Variants in CSMD1 observed in about 807,000 individuals in gnomAD.
CSMD1 encodes CUB and Sushi multiple domains 1, also known as CUB and sushi domain-containing protein 1.
A neutral mutation model predicts 417.5 loss-of-function variants in CSMD1; 213 were observed. That is an observed-to-expected ratio of 0.51 (90% CI 0.46 to 0.57). The LOEUF is 0.57. Ranked by LOEUF, CSMD1 falls within the 20% of genes least tolerant of loss-of-function variation. The pLI is 0.00. For missense variants in CSMD1, 6,923 were observed against 4,529.7 expected, an observed-to-expected ratio of 1.53 and a Z score of -15.17; for synonymous variants, 2,862 against 1,736.8, an observed-to-expected ratio of 1.65 and a Z score of -16.11.
At position 3,091,539 on chromosome 8, in the gene CSMD1, T is replaced by A. The variant is rs1814948001; in HGVS notation, c.7262A>T (p.Lys2421Ile). 1 of 1,606,250 alleles carries A rather than the reference T, an allele frequency of 6.2e-7. No individual in the cohort carries two copies. Among genetic ancestry groups the A allele is most frequent in the Non-Finnish European group, 8.5e-7 (1 of 1,178,316 alleles). ...ACCTGCATAGCGAATCTTGAATCCTTTCTTACTGGTGGCATGGTCAGTGGA... is the reference window on the plus strand; with the variant it reads ...ACCTGCATAGCGAATCTTGAATCCTATCTTACTGGTGGCATGGTCAGTGGA... Reference protein sequence around the residue: ...RWSTDHATSKKGFKIRYAAPY... With the variant: ...RWSTDHATSKIGFKIRYAAPY... The change falls in exon 48 of 70, where the codon AAA becomes ATA. Residue 2421 changes from lysine to isoleucine, a missense_variant. Transcript: ENST00000635120.
chr8:4,114,288 GCTGT>G (rs1802016978), intron 3 of CSMD1, among the ~76,000 whole-genome samples: 1 of 152,284 alleles, frequency 6.6e-6, no homozygotes, highest in East Asian at 1.9e-4. Flanking sequence ...CTCTGCCTGT[GCTGT>G]CTAAGTGGAA....
rs530105885 is a variant in CSMD1 at position 4,753,675 on chromosome 8, C to G, written c.86-116117G>C. ...TGATGCTGCCTTCTTCTCAGGTTCC[C>G]TGGTGTCTCTTCTGACCTTCTGCTC... On this transcript the variant is annotated intron_variant, in intron 1 of 69. Coordinates refer to ENST00000635120, the MANE Select transcript of CSMD1 (RefSeq NM_033225.6). Among the ~76,000 whole-genome samples the G allele has an allele frequency of 2.6e-5, 4 of 152,274 alleles. No individual in the cohort carries two copies. The South Asian group carries it at 8.3e-4, about 32-fold the overall frequency.
chr8:3,882,151 C>A (rs1328959531), intron 5 of CSMD1, among the ~76,000 whole-genome samples: 1 of 151,976 alleles, frequency 6.6e-6, no homozygotes, highest in Non-Finnish European at 1.5e-5. Context: ...GGCTCCTCCA[C>A]CAAGATTTGT....
At chr8:4,835,006 AAAG>A (rs1177130779) in intron 1 of CSMD1, among the ~76,000 whole-genome samples, 1 of 82,330 alleles carries the variant, frequency 1.2e-5, no homozygotes, top group African/African-American at 4.0e-5. Flanking sequence ...AGAAAGAAAG[AAAG>A]AAAAAAAAAT....
chr8:4,796,848 C>G (rs1361897794), intron 1 of CSMD1, among the ~76,000 whole-genome samples: 1 of 152,146 alleles, frequency 6.6e-6, no homozygotes, highest in South Asian at 2.1e-4. Flanking sequence ...TGGACAATTG[C>G]AAAGGTCTGG....
At chr8:4,089,312 AAAG>A (rs1800593108) in intron 3 of CSMD1, among the ~76,000 whole-genome samples, 1 of 152,194 alleles carries the variant, frequency 6.6e-6, no homozygotes, top group Non-Finnish European at 1.5e-5. Flanking sequence ...TTGAAAGAAG[AAAG>A]AAGGAAAGAA....
At chr8:4,537,429 T>A (rs1464527012) in intron 2 of CSMD1, among the ~76,000 whole-genome samples, 1 of 152,152 alleles carries the variant, frequency 6.6e-6, no homozygotes, top group Non-Finnish European at 1.5e-5. Flanking sequence ...TTATTCCTAT[T>A]ATTGTTATTG....
In CSMD1 at chr8:4,496,003, T is replaced by C. The variant is rs146399673; in HGVS notation, c.303-75938A>G. Among the ~76,000 whole-genome samples the C allele has an allele frequency of 5.4e-3, 821 of 152,298 alleles. 7 individuals are homozygous for C. The highest frequency in any genetic ancestry group is 0.019 in the African/African-American group (771 of 41,568). ...TCTGGCCTTCAGCAACTGCGACTCG[T>C]GTAATTCCTACAGAGATACTTAATG... On this transcript the variant is annotated intron_variant, in intron 2 of 69. Coordinates refer to ENST00000635120, the MANE Select transcript of CSMD1 (RefSeq NM_033225.6).
intron 28 of CSMD1, 24 bp downstream of exon 28, chr8:3,223,705 G>C (rs371185441): frequency 6.2e-7 from 1 of 1,611,166 alleles, no homozygotes; most frequent in Admixed American, 1.7e-5. Flanking sequence ...CTACTAAAAA[G>C]AGGTATTCTG....
rs17079462 is a variant in CSMD1, at chr8:3,123,337, C to A, written c.6242-4750G>T. The stretch of plus-strand genomic sequence containing the variant: ...ACAGCCTTTTCTTGAAAGCCACTGC[C>A]AAATGGCCTAGAAAACATCCACAGT... On this transcript the variant is annotated intron_variant, in intron 41 of 69. Transcript: ENST00000635120. Among the ~76,000 whole-genome samples, 45 of 152,280 alleles carry A rather than the reference C, an allele frequency of 3.0e-4. 3 individuals carry two copies. In the East Asian group the frequency reaches 8.3e-3, roughly 28 times the overall value.
chr8:3,620,204 A>G (rs921819082), intron 7 of CSMD1, among the ~76,000 whole-genome samples: 2 of 152,162 alleles, frequency 1.3e-5, no homozygotes, highest in Non-Finnish European at 2.9e-5. Context: ...CCATCCTTCA[A>G]AAATGAAAGG....
At chr8:4,934,173 G>T (rs563566101) in intron 1 of CSMD1, among the ~76,000 whole-genome samples, 4 of 152,226 alleles carry the variant, frequency 2.6e-5, no homozygotes, top group Admixed American at 2.6e-4. Context: ...AGGCTAACAA[G>T]AAACAGAAGA....
At chr8:4,761,624 C>T (rs796411959) in intron 1 of CSMD1, among the ~76,000 whole-genome samples, 34 of 152,030 alleles carry the variant, frequency 2.2e-4, no homozygotes, top group African/African-American at 8.0e-4. Flanking sequence ...TTTAACACTC[C>T]CAAATGAAAT....
chr8:4,702,170 C>G (rs139407214), intron 1 of CSMD1, among the ~76,000 whole-genome samples: 1 of 152,100 alleles, frequency 6.6e-6, no homozygotes, highest in Admixed American at 6.6e-5. Context: ...GGCTTAATAC[C>G]TAGGTGATGG....
chr8:3,719,078 CAG>C (rs1171598847), intron 6 of CSMD1, among the ~76,000 whole-genome samples: 3 of 152,168 alleles, frequency 2.0e-5, no homozygotes, highest in Non-Finnish European at 4.4e-5. Context: ...AGGTGGAAAA[CAG>C]AGGTGTCTCA....
chr8:3,605,875 A>G lies in CSMD1; in HGVS notation c.1097+10835T>C, dbSNP rs572696965. On this transcript the variant is annotated intron_variant, in intron 8 of 69. Coordinates refer to ENST00000635120, the MANE Select transcript of CSMD1 (RefSeq NM_033225.6). ...TTCTCTGATGAGCAGTGCTTAACTTAATTGGTTTAGCAGACTATTAATGAG... is the reference window on the plus strand; with the variant it reads ...TTCTCTGATGAGCAGTGCTTAACTTGATTGGTTTAGCAGACTATTAATGAG... Among the ~76,000 whole-genome samples the G allele has an allele frequency of 2.6e-5, 4 of 152,294 alleles. No homozygotes were observed. The East Asian group carries it at 7.7e-4, about 29-fold the overall frequency.
At chr8:3,966,612 T>A (rs143381136) in intron 5 of CSMD1, among the ~76,000 whole-genome samples, 1 of 152,112 alleles carries the variant, frequency 6.6e-6, no homozygotes, top group East Asian at 1.9e-4. Flanking sequence ...CTACTCATAT[T>A]CATTATTTTT....
chr8:4,860,025 G>A (rs1234933454), intron 1 of CSMD1, among the ~76,000 whole-genome samples: 1 of 152,060 alleles, frequency 6.6e-6, no homozygotes, highest in African/African-American at 2.4e-5. Flanking sequence ...GTCCAACAAT[G>A]ATAGACTGGA....
intron 40 of CSMD1, among the ~76,000 whole-genome samples, chr8:3,146,172 G>A (rs949494013): frequency 2.6e-5 from 4 of 152,192 alleles, no homozygotes; most frequent in African/African-American, 9.7e-5. Context: ...TATTAGTGCA[G>A]TAGATTTTAA....
Sources: gnomAD v4.1 joint callset for allele counts (sites outside exome capture counted in the v4.1 genomes callset) on GRCh38, gnomAD v4.1.1 for gene constraint, MANE v1.5 for transcripts, NCBI Gene and HGNC (gene_info 2026-07-23, HGNC 2026-07-21) for gene names.